Variants in EEF1A1 observed in about 807,000 individuals in gnomAD.
EEF1A1 encodes eukaryotic translation elongation factor 1 alpha 1, also known as elongation factor 1-alpha 1.
A neutral mutation model predicts 38.5 loss-of-function variants in EEF1A1; 1 was observed. The observed-to-expected ratio is 0.03, with a 90% CI of 0.01 to 0.12. The LOEUF (loss-of-function observed/expected upper bound fraction) is 0.12. Among genes scored for constraint, EEF1A1 ranks in the 10% least tolerant of loss-of-function variants. The pLI, the probability that EEF1A1 is intolerant of heterozygous loss-of-function variation, is 1.00. For synonymous variants in EEF1A1, 229 were observed against 203.7 expected (o/e 1.12, Z -1.06); for missense variants, 184 against 588.3 (o/e 0.31, Z 7.11).
intron 5 of EEF1A1, 30 bp from the exon 6 acceptor site, chr6:73,518,640 T>A: frequency 6.2e-7 from 1 of 1,612,914 alleles, no homozygotes; most frequent in East Asian, 2.2e-5. Context: ...ACTAAATACC[T>A]ATGAAGGCAG....
At position 73,520,228 on chromosome 6, in the gene EEF1A1, C is replaced by A. The variant is rs930730667; in HGVS notation, c.-30-172G>T. The A allele has an allele frequency of 3.7e-5, 22 of 589,208 alleles. No homozygotes were observed. The East Asian group carries it at 5.0e-4, about 13-fold the overall frequency. The allele number at this position is 589,208 out of a possible 1,614,324, so 36.5% of individuals were successfully genotyped here. A position where few individuals can be genotyped will look rare whatever the true frequency, so the allele number is the denominator to read the frequency against. The stretch of plus-strand genomic sequence containing the variant: ...ACTCCATCGCATAAAACCCCTCCCC[C>A]CAACCTAAAGACGACGTACTCCAAA... On this transcript the variant is annotated intron_variant, in intron 1 of 7. Coordinates refer to ENST00000309268, the MANE Select transcript of EEF1A1 (RefSeq NM_001402.6).
intron 1 of EEF1A1, 153 bp from the exon 2 acceptor site, chr6:73,520,209 T>C (rs1765618732): frequency 3.0e-6 from 2 of 676,480 alleles, no homozygotes; most frequent in South Asian, 2.1e-5. Context: ...GGAAACTCCA[T>C]CGCATAAAAC....
chr6:73,517,437 G>A lies in EEF1A1; in HGVS notation c.*373C>T, dbSNP rs1027234777. On this transcript the variant is annotated 3_prime_UTR_variant, in exon 8 of 8. Coordinates refer to ENST00000309268, the MANE Select transcript of EEF1A1 (RefSeq NM_001402.6). ...GTTAACTCAAGAATTACATTTTCAAGAAGTTTCCAGATTCGTAAAACCAGA... is the reference window on the plus strand; with the variant it reads ...GTTAACTCAAGAATTACATTTTCAAAAAGTTTCCAGATTCGTAAAACCAGA... The A allele has an allele frequency of 1.6e-5, 3 of 191,008 alleles. No individual in the cohort carries two copies. Among genetic ancestry groups the A allele is most frequent in the Non-Finnish European group, 3.2e-5 (3 of 92,674 alleles). 11.8% of individuals were successfully genotyped at this position (191,008 alleles called of 1,614,324 possible).
rs1047640329 is a variant in EEF1A1 at position 73,516,897 on chromosome 6, G to A, written c.*913C>T. 6.6e-6 allele frequency: 1 copy of A among 152,138 alleles called. No homozygotes were observed. Among genetic ancestry groups the A allele is most frequent in the Non-Finnish European group, 1.5e-5 (1 of 68,034 alleles). The allele number at this position is 152,138 out of a possible 1,614,324, so 9.4% of individuals were successfully genotyped here. A position where few individuals can be genotyped will look rare whatever the true frequency, so the allele number is the denominator to read the frequency against. ...ACTGCTAATTATCAAAGCATAAAAG[G>A]TATTAGACTCTGCAGGAGAAAAGCA... On this transcript the variant is annotated 3_prime_UTR_variant, in exon 8 of 8. Transcript: ENST00000309268.
rs996049923 is a variant in EEF1A1, at chr6:73,516,752, G to C, written c.*1058C>G. On this transcript the variant is annotated 3_prime_UTR_variant, in exon 8 of 8. Coordinates refer to ENST00000309268, the MANE Select transcript of EEF1A1 (RefSeq NM_001402.6). ...GTGGCTCATGCCTGTAATCCCAGCA[G>C]GAAGATCGCGAAAAGCATTTTTCAA... 6.6e-6 allele frequency: 1 copy of C among 152,134 alleles called. No homozygotes were observed. The highest frequency in any genetic ancestry group is 1.5e-5 in the Non-Finnish European group (1 of 68,028). 9.4% of individuals were successfully genotyped at this position (152,134 alleles called of 1,614,324 possible).
intron 1 of EEF1A1, 21 bp from the exon 2 acceptor site, chr6:73,520,077 T>C (rs762339785): frequency 6.4e-7 from 1 of 1,569,632 alleles, no homozygotes; most frequent in Admixed American, 1.9e-5. Context: ...AGAAAAAAAC[T>C]TTGAACCACT....
rs1458205733 is a variant in EEF1A1, at chr6:73,517,274, T to G, written c.*536A>C. 6.5e-6 allele frequency: 1 copy of G among 152,754 alleles called. No homozygotes were observed. The highest frequency in any genetic ancestry group is 1.5e-5 in the Non-Finnish European group (1 of 68,442). 9.5% of individuals were successfully genotyped at this position (152,754 alleles called of 1,614,324 possible). A position where few individuals can be genotyped will look rare whatever the true frequency, so the allele number is the denominator to read the frequency against. The stretch of plus-strand genomic sequence containing the variant: ...CACAAGGACTCAGTTTTTGGCCTGT[T>G]TTAGTGACAGGCAATCAGCAACATG... On this transcript the variant is annotated 3_prime_UTR_variant, in exon 8 of 8. Coordinates refer to ENST00000309268, the MANE Select transcript of EEF1A1 (RefSeq NM_001402.6).
chr6:73,520,101 G>C, intron 1 of EEF1A1, 45 bp from the exon 2 acceptor site: 1 of 1,527,904 alleles, frequency 6.5e-7, no homozygotes, highest in Non-Finnish European at 8.7e-7. Context: ...TGAGGCTTGA[G>C]AATGAACCAA....
Position 73,520,066 on chromosome 6 carries a change from A to T in EEF1A1, c.-30-10T>A, listed in dbSNP as rs1171398293. The stretch of plus-strand genomic sequence containing the variant: ...GTAGTTTTCACGACACCTGAAATGG[A>T]AGAAAAAAACTTTGAACCACTGTCT... On this transcript the variant is annotated splice_polypyrimidine_tract_variant and intron_variant, in intron 1 of 7. Transcript: ENST00000309268. The T allele has an allele frequency of 1.3e-6, 2 of 1,576,980 alleles. No homozygotes were observed. Among genetic ancestry groups the T allele is most frequent in the Non-Finnish European group, 1.7e-6 (2 of 1,172,914 alleles).
At position 73,518,629 on chromosome 6, in the gene EEF1A1, T is replaced by C. The variant is rs1168794201; in HGVS notation, c.773-19A>G. 2 of 1,613,056 alleles carry C rather than the reference T, an allele frequency of 1.2e-6. No homozygotes were observed. Among genetic ancestry groups the C allele is most frequent in the Non-Finnish European group, 1.7e-6 (2 of 1,179,104 alleles). Reference sequence around the variant, plus strand: ...CCAATACCTAAAAATATTTACAGCATACTAAATACCTATGAAGGCAGACAG... The same window carrying C: ...CCAATACCTAAAAATATTTACAGCACACTAAATACCTATGAAGGCAGACAG... On this transcript the variant is annotated intron_variant, in intron 5 of 7. Transcript: ENST00000309268.
chr6:73,519,404 T>C lies in EEF1A1; in HGVS notation c.257A>G (p.Tyr86Cys). The C allele has an allele frequency of 1.2e-6, 2 of 1,610,090 alleles. No homozygotes were observed. Among genetic ancestry groups the C allele is most frequent in the Non-Finnish European group, 1.7e-6 (2 of 1,179,730 alleles). The change falls in exon 3 of 8, where the codon TAT (tyrosine) becomes TGT (cysteine). Residue 86 changes from tyrosine to cysteine, a missense_variant. Tyr to Cys is a radical substitution (Grantham distance 194). Around this residue, in one of 3 missense-constraint regions of EEF1A1, gnomAD observed 57 missense variants for 228.1 expected, o/e 0.25. Coordinates refer to ENST00000309268, the MANE Select transcript of EEF1A1 (RefSeq NM_001402.6). ...SLWKFETSKYYVTIIDAPGHR... is the reference protein window; with the variant it reads ...SLWKFETSKYCVTIIDAPGHR... ...TCCTGGGGCATCAATGATAGTCACA[T>C]AGTACTTGCTGGTCTCAAATTTCCA...
chr6:73,519,583 C>A, intron 2 of EEF1A1, 67 bp from the exon 3 acceptor site: 1 of 1,496,114 alleles, frequency 6.7e-7, no homozygotes, highest in Non-Finnish European at 9.0e-7. Flanking sequence ...TCCTTGTCCC[C>A]AGCCCTTAAT....
rs372342500 is a variant in EEF1A1, at chr6:73,518,993, G to A, written c.560C>T (p.Thr187Ile). ...YIKKIGYNPD[T>I]VAFVPISGWN... ...ACCAGAAATTGGCACAAATGCTACT[G>A]TGTCGGGGTTGTAGCCAATTTTCTT... is the stretch of plus-strand genomic sequence containing the variant. The change falls in exon 4 of 8, where the codon ACA becomes ATA. Residue 187 changes from threonine to isoleucine, a missense_variant. This residue lies in a region of EEF1A1 where 46 missense variants were observed against 73.9 expected (regional missense o/e 0.62). Transcript: ENST00000309268. 4.4e-6 allele frequency: 7 copies of A among 1,593,586 alleles called. No homozygotes were observed. Among genetic ancestry groups the A allele is most frequent in the Non-Finnish European group, 6.0e-6 (7 of 1,170,184 alleles).
In EEF1A1 at chr6:73,517,946, A is replaced by G; in HGVS notation, c.1265-12T>C. The G allele has an allele frequency of 1.2e-6, 2 of 1,613,938 alleles. No homozygotes were observed. Among genetic ancestry groups the G allele is most frequent in the East Asian group, 4.5e-5 (2 of 44,886 alleles). ...AACAGCAAAGCGACCTATTAAAAAAAAAGTTAATTATTACCCAAAGTACTG... is the reference window on the plus strand; with the variant it reads ...AACAGCAAAGCGACCTATTAAAAAAGAAGTTAATTATTACCCAAAGTACTG... On this transcript the variant is annotated splice_polypyrimidine_tract_variant and intron_variant, in intron 7 of 7. Transcript: ENST00000309268.
chr6:73,516,697 G>GAC lies in EEF1A1; in HGVS notation c.*1111_*1112dup, dbSNP rs2150050872. 1 of 151,726 alleles carries GAC rather than the reference G, an allele frequency of 6.6e-6. No homozygotes were observed. Among genetic ancestry groups the GAC allele is most frequent in the Non-Finnish European group, 1.5e-5 (1 of 67,914 alleles). The allele number at this position is 151,726 out of a possible 1,614,324, so 9.4% of individuals were successfully genotyped here. On this transcript the variant is annotated 3_prime_UTR_variant, in exon 8 of 8. Transcript: ENST00000309268. ...TTTTATAACCAAAAAAAAACCTTTA[G>GAC]ACACTTTTACATATGGGAGGTCAGG...
Position 73,519,463 on chromosome 6 carries a change from C to T in EEF1A1, c.198G>A (p.Glu66=). Residue 66 remains glutamate, a synonymous_variant, in exon 3 of 8, where the codon GAG becomes GAA. Coordinates refer to ENST00000309268, the MANE Select transcript of EEF1A1 (RefSeq NM_001402.6). Reference sequence around the variant, plus strand: ...TATCAATGGTGATACCACGTTCACGCTCAGCTTTCAGTTTATCCAAGACCC... The same window carrying T: ...TATCAATGGTGATACCACGTTCACGTTCAGCTTTCAGTTTATCCAAGACCC... ...YAWVLDKLKA[E]RERGITIDIS... is the part of the protein sequence containing the mutation. 6.2e-7 allele frequency: 1 copy of T among 1,601,108 alleles called. No individual in the cohort carries two copies. The highest frequency in any genetic ancestry group is 8.5e-7 in the Non-Finnish European group (1 of 1,179,476).
intron 4 of EEF1A1, 39 bp from the exon 5 acceptor site, chr6:73,518,887 C>G: frequency 6.2e-7 from 1 of 1,610,900 alleles, no homozygotes; most frequent in Non-Finnish European, 8.5e-7. Context: ...AGCATGAAAT[C>G]GCCATTCCCA....
In EEF1A1 at chr6:73,518,968, A is replaced by G; in HGVS notation, c.585T>C (p.Gly195=). 1.2e-6 allele frequency: 2 copies of G among 1,610,868 alleles called. No individual in the cohort carries two copies. The highest frequency in any genetic ancestry group is 1.7e-6 in the Non-Finnish European group (2 of 1,177,660). ...PDTVAFVPIS[G]WNGDNMLEPS... ...GCTCCAGCATGTTGTCACCATTCCA[A>G]CCAGAAATTGGCACAAATGCTACTG... Residue 195 remains glycine, a synonymous_variant, in exon 4 of 8, where the codon GGT becomes GGC. Transcript: ENST00000309268.
intron 7 of EEF1A1, 25 bp downstream of exon 7, chr6:73,518,005 T>C: frequency 6.2e-7 from 1 of 1,609,586 alleles, no homozygotes; most frequent in Non-Finnish European, 8.5e-7. Context: ...ACACAACTTT[T>C]TTACATTTAA....
Sources: gnomAD v4.1 joint callset for allele counts on GRCh38, gnomAD v4.1.1 for gene constraint, gnomAD v4.1.1 regional missense constraint, MANE v1.5 for transcripts, NCBI Gene and HGNC (gene_info 2026-07-23, HGNC 2026-07-21) for gene names.